The following ZNF10 variants were observed in gnomAD, a reference collection of about 807,000 sequenced individuals.
The protein encoded by ZNF10 is zinc finger protein 10, also known as zinc finger protein 10 (KOX 1).
Under a neutral mutation model 12.2 loss-of-function variants are expected in ZNF10, and 8 were observed. That is an observed-to-expected ratio of 0.66 (90% confidence interval 0.39 to 1.18). The LOEUF is 1.18. Among genes scored for constraint, ZNF10 ranks in the 50% most tolerant of loss-of-function variants. ZNF10 has a pLI of 0.01. For synonymous variants in ZNF10, 229 were observed against 228.2 expected (o/e 1.00, Z -0.03); for missense variants, 603 against 678.9 (o/e 0.89, Z 1.24).
rs1956060197 is a variant in ZNF10, at chr12:133,159,442, G to A, written c.*2474G>A. On this transcript the variant is annotated 3_prime_UTR_variant, in exon 5 of 5. Coordinates refer to ENST00000248211, the MANE Select transcript of ZNF10 (RefSeq NM_015394.5). ...TAAGCTCAAATATGTCAAAATAAAT[G>A]TAAAAAATGAGTGTTGCCCAAAACT... is the stretch of plus-strand genomic sequence containing the variant. 6.6e-6 allele frequency: 1 copy of A among 152,140 alleles called. No individual in the cohort carries two copies. Among genetic ancestry groups the A allele is most frequent in the Non-Finnish European group, 1.5e-5 (1 of 68,002 alleles). 9.4% of individuals were successfully genotyped at this position (152,140 alleles called of 1,614,324 possible). A position where few individuals can be genotyped will look rare whatever the true frequency, so the allele number is the denominator to read the frequency against.
At chr12:133,154,108 C>G (rs1369846708) in intron 4 of ZNF10, among the ~76,000 whole-genome samples, 2 of 148,848 alleles carry the variant, frequency 1.3e-5, no homozygotes. Context: ...TTCAACATAC[C>G]TTTTTGTCGG....
In ZNF10 at chr12:133,156,756, C is replaced by G. The variant is rs746973055; in HGVS notation, c.1510C>G (p.Leu504Val). ...CGKAFIRKND[L>V]IKHQRIHVGE... ...GAAAGCCTTCATCCGGAAGAATGACCTCATTAAGCACCAGAGAATTCATGT... is the reference window on the plus strand; with the variant it reads ...GAAAGCCTTCATCCGGAAGAATGACGTCATTAAGCACCAGAGAATTCATGT... The change falls in exon 5 of 5, where the codon CTC becomes GTC. Residue 504 changes from leucine to valine, a missense_variant. By Grantham distance (32) the Leu-to-Val change is conservative (BLOSUM62 1). This residue lies in a region of ZNF10 where 204 missense variants were observed against 262.8 expected (regional missense o/e 0.78). Coordinates refer to ENST00000248211, the MANE Select transcript of ZNF10 (RefSeq NM_015394.5). 8 of 1,601,650 alleles carry G rather than the reference C, an allele frequency of 5.0e-6. No homozygotes were observed. Among genetic ancestry groups the G allele is most frequent in the African/African-American group, 1.3e-5 (1 of 74,102 alleles).
At chr12:133,148,610 A>G (rs1457894726) in intron 2 of ZNF10, among the ~76,000 whole-genome samples, 3 of 152,142 alleles carry the variant, frequency 2.0e-5, no homozygotes, top group Non-Finnish European at 4.4e-5. Flanking sequence ...TATCTCTGCT[A>G]ATATTCTTTG....
rs751881250 is a variant in ZNF10 at position 133,151,817 on chromosome 12, C to T, written c.169C>T (p.Leu57Phe). The change falls in exon 4 of 5, where the codon CTT (leucine) becomes TTT (phenylalanine). Residue 57 changes from leucine to phenylalanine, a missense_variant. Leu to Phe is a conservative substitution (Grantham distance 22). Around this residue, in one of 3 missense-constraint regions of ZNF10, gnomAD observed 393 missense variants for 399.7 expected, o/e 0.98. Transcript: ENST00000248211. ...TCTTTCACTGTGAACAGGTTATCAG[C>T]TTACTAAGCCAGATGTGATCCTCCG... ...YKNLVSLGYQ[L>F]TKPDVILRLE... 1 of 1,613,338 alleles carries T rather than the reference C, an allele frequency of 6.2e-7. No homozygotes were observed. Among genetic ancestry groups the T allele is most frequent in the Admixed American group, 1.7e-5 (1 of 59,982 alleles).
chr12:133,142,604 C>T (rs551644311), intron 1 of ZNF10, among the ~76,000 whole-genome samples: 1 of 152,044 alleles, frequency 6.6e-6, no homozygotes, highest in South Asian at 2.1e-4. Context: ...ATATGCTCAA[C>T]ATCATCACTC....
In ZNF10 at chr12:133,156,262, A is replaced by G; in HGVS notation, c.1016A>G (p.His339Arg). 1 of 1,614,156 alleles carries G rather than the reference A, an allele frequency of 6.2e-7. No homozygotes were observed. The highest frequency in any genetic ancestry group is 8.5e-7 in the Non-Finnish European group (1 of 1,180,012). The part of the protein sequence containing the change: ...SFSWFSHLVT[H>R]QRTHTGDKLY... ...AGCTGGTTCTCTCACCTTGTTACTC[A>G]TCAGAGAACTCATACAGGAGACAAA... The change falls in exon 5 of 5, where the codon CAT becomes CGT. Residue 339 changes from histidine (H) to arginine (R), a missense_variant. Physicochemically the swap from His to Arg is conservative, Grantham distance 29. Coordinates refer to ENST00000248211, the MANE Select transcript of ZNF10 (RefSeq NM_015394.5).
chr12:133,157,048 ATC>A lies in ZNF10; in HGVS notation c.*82_*83del. The stretch of plus-strand genomic sequence containing the variant: ...CCTGGAGATAAGCTGTACAAATTGA[ATC>A]TATGTGGAAATGCTTTCAGTCTTGT... On this transcript the variant is annotated 3_prime_UTR_variant, in exon 5 of 5. Transcript: ENST00000248211. 2 of 1,256,540 alleles carry A rather than the reference ATC, an allele frequency of 1.6e-6. No individual in the cohort carries two copies. Among genetic ancestry groups the A allele is most frequent in the Non-Finnish European group, 2.1e-6 (2 of 966,560 alleles). The allele number at this position is 1,256,540 out of a possible 1,614,324, so 77.8% of individuals were successfully genotyped here. A position where few individuals can be genotyped will look rare whatever the true frequency, so the allele number is the denominator to read the frequency against.
intron 1 of ZNF10, among the ~76,000 whole-genome samples, chr12:133,141,756 G>T (rs1209545540): frequency 6.6e-6 from 1 of 152,040 alleles, no homozygotes; most frequent in East Asian, 1.9e-4. Flanking sequence ...AGAGAGTAAA[G>T]GAGAGATGGA....
At chr12:133,142,213 A>T (rs1252992338) in intron 1 of ZNF10, among the ~76,000 whole-genome samples, 1 of 152,208 alleles carries the variant, frequency 6.6e-6, no homozygotes, top group Non-Finnish European at 1.5e-5. Flanking sequence ...ACCTGAGGTC[A>T]GGAGTTCGAG....
At chr12:133,135,426 A>G (rs1429068465) in intron 1 of ZNF10, among the ~76,000 whole-genome samples, 1 of 152,166 alleles carries the variant, frequency 6.6e-6, no homozygotes, top group African/African-American at 2.4e-5. Context: ...CAGGCAGAGG[A>G]TTTGAAACAG....
chr12:133,156,880 T>C lies in ZNF10; in HGVS notation c.1634T>C (p.Leu545Ser). 1 of 1,519,024 alleles carries C rather than the reference T, an allele frequency of 6.6e-7. No homozygotes were observed. The highest frequency in any genetic ancestry group is 1.3e-5 in the South Asian group (1 of 74,370). The allele number at this position is 1,519,024 out of a possible 1,614,324, so 94.1% of individuals were successfully genotyped here. A position where few individuals can be genotyped will look rare whatever the true frequency, so the allele number is the denominator to read the frequency against. Reference protein sequence around the residue: ...HQIAHTGEQFLTCNQCGTALV... With the variant: ...HQIAHTGEQFSTCNQCGTALV... ...ATAGCTCACACTGGAGAGCAGTTCT[T>C]AACATGCAATCAATGTGGGACAGCG... Residue 545 changes from leucine to serine, a missense_variant, in exon 5 of 5, where the codon TTA (leucine) becomes TCA (serine). Physicochemically the swap from Leu to Ser is moderately radical, Grantham distance 145 (BLOSUM62 -2). Transcript: ENST00000248211.
chr12:133,146,538 C>T (rs1203929069), intron 2 of ZNF10, among the ~76,000 whole-genome samples: 3 of 152,004 alleles, frequency 2.0e-5, no homozygotes, highest in African/African-American at 4.8e-5. Flanking sequence ...GTTGTGTAGC[C>T]CCCACTTCAT....
chr12:133,155,312 T>C (rs746688358), intron 4 of ZNF10, among the ~76,000 whole-genome samples, 191 bp from the exon 5 acceptor site: 1 of 152,192 alleles, frequency 6.6e-6, no homozygotes, highest in African/African-American at 2.4e-5. Flanking sequence ...TTTTGCCCTT[T>C]GTGAGTACTG....
intron 1 of ZNF10, among the ~76,000 whole-genome samples, chr12:133,143,300 C>T (rs949226071): frequency 1.3e-5 from 2 of 151,252 alleles, no homozygotes; most frequent in African/African-American, 4.9e-5. Context: ...TACTTAATGC[C>T]ACTGAATTGG....
Position 133,156,975 on chromosome 12 carries a change from T to C in ZNF10, c.*7T>C, listed in dbSNP as rs1376338120. The C allele has an allele frequency of 2.8e-6, 4 of 1,412,276 alleles. No individual in the cohort carries two copies. Among genetic ancestry groups the C allele is most frequent in the African/African-American group, 2.9e-5 (2 of 68,634 alleles). The allele number at this position is 1,412,276 out of a possible 1,614,324, so 87.5% of individuals were successfully genotyped here. A position where few individuals can be genotyped will look rare whatever the true frequency, so the allele number is the denominator to read the frequency against. ...TAGAGAAAATGCTTACTAATAAATA[T>C]GGGAATTTTTCACAAAGAGCAATGA... On this transcript the variant is annotated 3_prime_UTR_variant, in exon 5 of 5. Coordinates refer to ENST00000248211, the MANE Select transcript of ZNF10 (RefSeq NM_015394.5).
Position 133,156,583 on chromosome 12 carries a change from C to T in ZNF10, c.1337C>T (p.Ser446Phe), listed in dbSNP as rs774250176. Residue 446 changes from serine (S) to phenylalanine (F), a missense_variant, in exon 5 of 5, where the codon TCT (serine) becomes TTT (phenylalanine). Coordinates refer to ENST00000248211, the MANE Select transcript of ZNF10 (RefSeq NM_015394.5). ...TGTGGAAAATGTTTTAGTCGAAGCT[C>T]TCACCTTTATTCACATCAAAGAACC... ...KDCGKCFSRS[S>F]HLYSHQRTHT... 1.2e-6 allele frequency: 2 copies of T among 1,613,640 alleles called. No homozygotes were observed. Among genetic ancestry groups the T allele is most frequent in the South Asian group, 1.1e-5 (1 of 90,964 alleles).
intron 4 of ZNF10, among the ~76,000 whole-genome samples, chr12:133,154,552 G>C (rs895718140): frequency 1.3e-5 from 2 of 152,152 alleles, no homozygotes; most frequent in Non-Finnish European, 2.9e-5. Flanking sequence ...TTAGATTACA[G>C]ATAAGCAAAA....
chr12:133,151,127 G>C lies in ZNF10; in HGVS notation c.133G>C (p.Glu45Gln). Residue 45 changes from glutamate to glutamine, a missense_variant, in exon 3 of 5, where the codon GAG becomes CAG. Coordinates refer to ENST00000248211, the MANE Select transcript of ZNF10 (RefSeq NM_015394.5). The stretch of plus-strand genomic sequence containing the variant: ...GATCGTGTACAGAAATGTGATGCTG[G>C]AGAACTATAAGAACCTGGTTTCCTT... ...QQIVYRNVMLENYKNLVSLGY... is the reference protein window; with the variant it reads ...QQIVYRNVMLQNYKNLVSLGY... 2 of 1,613,508 alleles carry C rather than the reference G, an allele frequency of 1.2e-6. No individual in the cohort carries two copies. The highest frequency in any genetic ancestry group is 1.7e-6 in the Non-Finnish European group (2 of 1,179,556).
intron 1 of ZNF10, among the ~76,000 whole-genome samples, chr12:133,136,557 C>T (rs1955913127): frequency 6.6e-6 from 1 of 152,044 alleles, no homozygotes; most frequent in Non-Finnish European, 1.5e-5. Context: ...CTCTATAATC[C>T]TGGTCCTACC....
Sources: gnomAD v4.1 joint callset for allele counts (sites outside exome capture counted in the v4.1 genomes callset) on GRCh38, gnomAD v4.1.1 for gene constraint, gnomAD v4.1.1 regional missense constraint, MANE v1.5 for transcripts, NCBI Gene and HGNC (gene_info 2026-07-23, HGNC 2026-07-21) for gene names.